The following STK32C variants were observed in gnomAD, a reference collection of about 807,000 sequenced individuals.
STK32C encodes the protein serine/threonine-protein kinase 32C.
Under a neutral mutation model 56.5 loss-of-function variants are expected in STK32C, and 31 were observed. The ratio of observed to expected loss-of-function variants is 0.55; its 90% CI spans 0.41 to 0.74. The LOEUF is 0.74. Among genes scored for constraint, STK32C ranks in the 30% least tolerant of loss-of-function variants. The pLI is 0.00. For synonymous variants in STK32C, 309 were observed against 289.4 expected (o/e 1.07, Z -0.69); for missense variants, 544 against 676.9 (o/e 0.80, Z 2.18).
At chr10:132,215,399 G>A (rs2062438811) in intron 10 of STK32C, among the ~76,000 whole-genome samples, 1 of 152,076 alleles carries the variant, frequency 6.6e-6, no homozygotes, top group South Asian at 2.1e-4. Flanking sequence ...GTGTGTCATG[G>A]GAGGAACCCA....
rs35734065 is a variant in STK32C at position 132,331,200 on chromosome 10, C to CA, written c.301+235dup. 1.0e-2 allele frequency among the ~76,000 whole-genome samples: 559 copies of CA among 56,046 alleles called. 5 individuals carry two copies. Among genetic ancestry groups the CA allele is most frequent in the Admixed American group, 0.032 (130 of 4,116 alleles). The allele number at this position is 56,046 out of a possible 152,430, so 36.8% of individuals were successfully genotyped here. On this transcript the variant is annotated intron_variant, in intron 1 of 1. Transcript: ENST00000368619. ...TGGGAGACAAAGCAAGACTCCACCTCAAAAAAAAAAAAAAAAAAAAAAAAG... is the reference window on the plus strand; with the variant it reads ...TGGGAGACAAAGCAAGACTCCACCTCAAAAAAAAAAAAAAAAAAAAAAAAAG...
rs373688488 is a variant in STK32C at position 132,223,929 on chromosome 10, TC to T, written c.993+477del. 3.1e-4 allele frequency among the ~76,000 whole-genome samples: 47 copies of T among 152,314 alleles called. No homozygotes were observed. The South Asian group carries it at 9.5e-3, about 31-fold the overall frequency. ...ACTGATGGCCACACCCCTGCCCGTG[TC>T]CCTGCCAGGCTGATGTCCCCTGAGA... On this transcript the variant is annotated intron_variant, in intron 8 of 11. Coordinates refer to ENST00000298630, the MANE Select transcript of STK32C (RefSeq NM_173575.4).
At chr10:132,208,578 G>A (rs367924714) in intron 11 of STK32C, among the ~76,000 whole-genome samples, 47 of 152,284 alleles carry the variant, frequency 3.1e-4, no homozygotes, top group African/African-American at 8.9e-4. Context: ...TGCCCCGTGC[G>A]GGCAGAGGGA....
intron 2 of STK32C, among the ~76,000 whole-genome samples, chr10:132,242,362 G>A (rs1165319460): frequency 2.6e-5 from 4 of 152,086 alleles, no homozygotes; most frequent in African/African-American, 9.7e-5. Flanking sequence ...GGGCTCCGAC[G>A]GCACCAGTAA....
rs114101116 is a variant in STK32C at position 132,225,996 on chromosome 10, C to A, written c.645-212G>T. Among the ~76,000 whole-genome samples the A allele has an allele frequency of 5.2e-3, 796 of 152,320 alleles. 9 individuals carry two copies. The highest frequency in any genetic ancestry group is 0.018 in the African/African-American group (759 of 41,572). ...AAGTCAGCCACTTCGTTCCCTGTGGCATCTGGGCAGCAGCACACACCTGGC... is the reference window on the plus strand; with the variant it reads ...AAGTCAGCCACTTCGTTCCCTGTGGAATCTGGGCAGCAGCACACACCTGGC... On this transcript the variant is annotated intron_variant, in intron 4 of 11. Coordinates refer to ENST00000298630, the MANE Select transcript of STK32C (RefSeq NM_173575.4).
intron 1 of STK32C, among the ~76,000 whole-genome samples, chr10:132,295,893 A>C (rs1400171969): frequency 2.6e-5 from 4 of 151,978 alleles, no homozygotes; most frequent in East Asian, 3.9e-4. Context: ...AAAAAAAAAA[A>C]GAATTCTGAA....
At chr10:132,261,710 A>G (rs1046205704) in intron 1 of STK32C, among the ~76,000 whole-genome samples, 1 of 152,204 alleles carries the variant, frequency 6.6e-6, no homozygotes, top group Non-Finnish European at 1.5e-5. Context: ...GGTTGCAGTG[A>G]GCCAAGATTG....
chr10:132,272,376 T>C (rs2064855586), intron 1 of STK32C, among the ~76,000 whole-genome samples: 2 of 152,222 alleles, frequency 1.3e-5, no homozygotes. Flanking sequence ...CAAGCGGCTG[T>C]TGTTTACGCC....
At chr10:132,212,315 T>TG (rs929548237) in intron 10 of STK32C, among the ~76,000 whole-genome samples, 1 of 152,168 alleles carries the variant, frequency 6.6e-6, no homozygotes, top group African/African-American at 2.4e-5. Context: ...AGCAATTCAA[T>TG]GGGGAAAGAA....
intron 1 of STK32C, among the ~76,000 whole-genome samples, chr10:132,286,774 CAT>C (rs751604784): frequency 1.4e-4 from 22 of 152,206 alleles, no homozygotes; most frequent in Non-Finnish European, 2.1e-4. Flanking sequence ...AAAAAGCACA[CAT>C]GACAAGGCTC....
At chr10:132,272,688 C>G (rs1486704599) in intron 1 of STK32C, among the ~76,000 whole-genome samples, 1 of 152,228 alleles carries the variant, frequency 6.6e-6, no homozygotes, top group Non-Finnish European at 1.5e-5. Flanking sequence ...AGCCTGGTCT[C>G]CCCGCCTCCA....
intron 1 of STK32C, among the ~76,000 whole-genome samples, chr10:132,301,970 G>A (rs891704585): frequency 1.1e-4 from 16 of 152,180 alleles, no homozygotes; most frequent in African/African-American, 2.7e-4. Context: ...GTATGTCCGC[G>A]GGCCAGCAGC....
At chr10:132,260,221 GC>G (rs2064257098) in intron 1 of STK32C, among the ~76,000 whole-genome samples, 1 of 152,176 alleles carries the variant, frequency 6.6e-6, no homozygotes, top group South Asian at 2.1e-4. Context: ...GACAGCAATG[GC>G]CTCAGCCTCC....
In STK32C at chr10:132,307,871, G is replaced by A. The variant is rs1195010018; in HGVS notation, c.-38C>T. 1 of 1,142,942 alleles carries A rather than the reference G, an allele frequency of 8.7e-7. No individual in the cohort carries two copies. Among genetic ancestry groups the A allele is most frequent in the Non-Finnish European group, 1.1e-6 (1 of 924,638 alleles). 70.8% of individuals were successfully genotyped at this position (1,142,942 alleles called of 1,614,324 possible). A position where few individuals can be genotyped will look rare whatever the true frequency, so the allele number is the denominator to read the frequency against. Reference sequence around the variant, plus strand: ...GTGCGCGCGGCAGCCGGAACTCGGGGCATGGCCGGCCGGCAGGGCCGGGAG... The same window carrying A: ...GTGCGCGCGGCAGCCGGAACTCGGGACATGGCCGGCCGGCAGGGCCGGGAG... On this transcript the variant is annotated 5_prime_UTR_variant, in exon 1 of 12. Coordinates refer to ENST00000298630, the MANE Select transcript of STK32C (RefSeq NM_173575.4). This position sits in a 1 kb window ranked among gnomAD's most constrained non-coding sequence, Gnocchi z 4.4.
upstream of STK32C, chr10:132,332,062 C>A: frequency 3.4e-6 from 1 of 295,662 alleles, no homozygotes; most frequent in East Asian, 6.3e-5. Context: ...CCCCACAACA[C>A]GCACACCCCC....
chr10:132,291,557 C>T (rs2065564351), intron 1 of STK32C, among the ~76,000 whole-genome samples: 1 of 152,218 alleles, frequency 6.6e-6, no homozygotes, highest in South Asian at 2.1e-4. Context: ...CCAGCCCGCC[C>T]AATGGAGTTG....
intron 7 of STK32C, 38 bp from the exon 8 acceptor site, chr10:132,224,561 GC>G: frequency 6.8e-6 from 10 of 1,479,942 alleles, no homozygotes; most frequent in Non-Finnish European, 7.4e-6. Flanking sequence ...GGTCCTCCTG[GC>G]CCCCAGGACA....
At chr10:132,279,307 G>A (rs971706644) in intron 1 of STK32C, among the ~76,000 whole-genome samples, 2 of 152,142 alleles carry the variant, frequency 1.3e-5, no homozygotes, top group East Asian at 1.9e-4. Flanking sequence ...ACGGACTCTC[G>A]TGCAGACGTT....
At chr10:132,289,954 T>C (rs573036577) in intron 1 of STK32C, among the ~76,000 whole-genome samples, 1 of 152,358 alleles carries the variant, frequency 6.6e-6, no homozygotes, top group South Asian at 2.1e-4. Context: ...ATGTTCCTAA[T>C]ATCAAAACTT....
Sources: allele counts gnomAD v4.1 joint callset (sites outside exome capture counted in the v4.1 genomes callset), GRCh38; gene constraint gnomAD v4.1.1; non-coding constraint Gnocchi (gnomAD v3.1); transcripts MANE v1.5; gene names NCBI Gene and HGNC (gene_info 2026-07-23, HGNC 2026-07-21).